Variants in CCNY observed in about 807,000 individuals in gnomAD.
The protein encoded by CCNY is cyclin-Y.
Under a neutral mutation model 42.8 loss-of-function variants are expected in CCNY, and 19 were observed. The ratio of observed to expected loss-of-function variants is 0.44; its 90% CI spans 0.31 to 0.65. The LOEUF (loss-of-function observed/expected upper bound fraction) is 0.65. Among genes scored for constraint, CCNY ranks in the 30% least tolerant of loss-of-function variants. The pLI is 0.07. For missense variants in CCNY, 370 were observed against 437.3 expected, an observed-to-expected ratio of 0.85 and a Z score of 1.37; for synonymous variants, 165 against 162.7, an observed-to-expected ratio of 1.01 and a Z score of -0.11.
At chr10:35,425,458 C>T (rs955769522) in intron 1 of CCNY, among the ~76,000 whole-genome samples, 11 of 152,202 alleles carry the variant, frequency 7.2e-5, no homozygotes, top group Non-Finnish European at 1.3e-4. Flanking sequence ...GGTAGGGATT[C>T]ATCATAGCAT....
At chr10:35,353,578 C>T (rs1836473054) in intron 1 of CCNY, among the ~76,000 whole-genome samples, 1 of 152,172 alleles carries the variant, frequency 6.6e-6, no homozygotes, top group Admixed American at 6.5e-5. Context: ...GACAGCTGAG[C>T]TGCCAAGAGG....
intron 1 of CCNY, among the ~76,000 whole-genome samples, chr10:35,345,657 C>CT (rs1314583311): frequency 6.6e-6 from 1 of 152,152 alleles, no homozygotes; most frequent in Non-Finnish European, 1.5e-5. Flanking sequence ...TATGTTTGGA[C>CT]TGTCCATAGT....
intron 7 of CCNY, among the ~76,000 whole-genome samples, chr10:35,546,812 TATTC>T (rs1456688526): frequency 2.0e-5 from 3 of 152,180 alleles, no homozygotes; most frequent in African/African-American, 7.2e-5. Context: ...TAGTTATTAA[TATTC>T]ATCAACTAAG....
In CCNY at chr10:35,406,455, C is replaced by T. The variant is rs1352231437; in HGVS notation, c.154+69248C>T. Among the ~76,000 whole-genome samples, 3 of 151,942 alleles carry T rather than the reference C, an allele frequency of 2.0e-5. No individual in the cohort carries two copies. In the East Asian group the frequency reaches 5.8e-4, roughly 29 times the overall value. On this transcript the variant is annotated intron_variant, in intron 1 of 9. Transcript: ENST00000374704. ...TCTCAACGAGCATGCTGCCTTCAAG[C>T]GTCTGTTTAACAAAGCACATCTTGC...
At chr10:35,303,777 C>CAAAAAAA (rs755443366) in intron 3 of CCNY, among the ~76,000 whole-genome samples, 2 of 48,504 alleles carry the variant, frequency 4.1e-5, no homozygotes, top group African/African-American at 6.4e-5. Context: ...AACTCCGTCT[C>CAAAAAAA]AAAAAAAAAA....
chr10:35,424,667 A>G (rs1838228409), intron 1 of CCNY, among the ~76,000 whole-genome samples: 1 of 152,198 alleles, frequency 6.6e-6, no homozygotes, highest in South Asian at 2.1e-4. Flanking sequence ...AGTGCTTGCC[A>G]GGGTCTCCCA....
chr10:35,463,569 A>T (rs962394206), intron 1 of CCNY, among the ~76,000 whole-genome samples: 1 of 152,248 alleles, frequency 6.6e-6, no homozygotes, highest in Non-Finnish European at 1.5e-5. Flanking sequence ...AAAAGAGTCA[A>T]TGAAGCTAAG....
Position 35,337,264 on chromosome 10 carries a change from A to G in CCNY, c.154+57A>G, listed in dbSNP as rs916450067. 22 of 1,407,056 alleles carry G rather than the reference A, an allele frequency of 1.6e-5. No individual in the cohort carries two copies. In the East Asian group the frequency reaches 1.8e-4, roughly 12 times the overall value. 87.2% of individuals were successfully genotyped at this position (1,407,056 alleles called of 1,614,324 possible). Reference sequence around the variant, plus strand: ...CCCCGCGGCAACAGTCGCACAGCCAACGTCGGGGCGGCCCGGCTGCTCTTG... The same window carrying G: ...CCCCGCGGCAACAGTCGCACAGCCAGCGTCGGGGCGGCCCGGCTGCTCTTG... On this transcript the variant is annotated intron_variant, in intron 1 of 9. Transcript: ENST00000374704.
At chr10:35,460,956 C>T (rs1197571008) in intron 1 of CCNY, among the ~76,000 whole-genome samples, 2 of 152,030 alleles carry the variant, frequency 1.3e-5, no homozygotes, top group African/African-American at 2.4e-5. Flanking sequence ...CTAGGACATC[C>T]ACTTATTATA....
At chr10:35,542,040 C>G (rs1841012701) in intron 7 of CCNY, among the ~76,000 whole-genome samples, 1 of 149,842 alleles carries the variant, frequency 6.7e-6, no homozygotes, top group Non-Finnish European at 1.5e-5. Flanking sequence ...AGGATCCCAT[C>G]CAGGACACCA....
At chr10:35,392,904 T>C (rs1837444182) in intron 1 of CCNY, among the ~76,000 whole-genome samples, 1 of 152,156 alleles carries the variant, frequency 6.6e-6, no homozygotes, top group African/African-American at 2.4e-5. Flanking sequence ...TAGGCCTTTT[T>C]CTTGGGTCCT....
intron 1 of CCNY, among the ~76,000 whole-genome samples, chr10:35,339,982 A>G (rs965091545): frequency 2.0e-5 from 3 of 152,260 alleles, no homozygotes; most frequent in Non-Finnish European, 4.4e-5. Context: ...ACAATTCTTT[A>G]GGAAAATAAA....
intron 3 of CCNY, among the ~76,000 whole-genome samples, chr10:35,312,131 C>T (rs1314232655): frequency 1.3e-5 from 2 of 151,866 alleles, no homozygotes. Context: ...TAATCCCAGC[C>T]CTTTGGGACG....
At chr10:35,294,350 A>C (rs1177334300) in intron 3 of CCNY, among the ~76,000 whole-genome samples, 1 of 152,210 alleles carries the variant, frequency 6.6e-6, no homozygotes, top group African/African-American at 2.4e-5. Flanking sequence ...TGAGAGTGAA[A>C]ATATTCAGTC....
chr10:35,272,345 A>T lies in CCNY; in HGVS notation c.-9+21719A>T, dbSNP rs994339715. Among the ~76,000 whole-genome samples the T allele has an allele frequency of 5.9e-5, 9 of 151,678 alleles. No individual in the cohort carries two copies. In the East Asian group the frequency reaches 1.6e-3, roughly 26 times the overall value. Reference sequence around the variant, plus strand: ...GTACATGTGCAGGTTTGTTACATAGATAAACCTGTATCATGGAGGTTTGTT... The same window carrying T: ...GTACATGTGCAGGTTTGTTACATAGTTAAACCTGTATCATGGAGGTTTGTT... On this transcript the variant is annotated intron_variant, in intron 3 of 11. Coordinates refer to the CCNY transcript ENST00000374706.
intron 3 of CCNY, among the ~76,000 whole-genome samples, chr10:35,282,860 C>T (rs185210661): frequency 1.4e-3 from 216 of 152,082 alleles, no homozygotes; most frequent in Middle Eastern, 0.01. Context: ...AATTGTATAT[C>T]CCTGCTTAAC....
intron 3 of CCNY, among the ~76,000 whole-genome samples, chr10:35,316,002 T>C (rs1835755304): frequency 6.6e-6 from 1 of 152,214 alleles, no homozygotes; most frequent in Admixed American, 6.5e-5. Context: ...CATATAAGTG[T>C]AATTGTCTTT....
At chr10:35,451,248 G>A (rs1306199519) in intron 1 of CCNY, among the ~76,000 whole-genome samples, 1 of 152,150 alleles carries the variant, frequency 6.6e-6, no homozygotes, top group Non-Finnish European at 1.5e-5. Context: ...ACAAAAACAA[G>A]TTAAGAGTCA....
At chr10:35,528,306 C>CTGGGTTGAACCTTTCTTTCGCT (rs1840693941) in intron 5 of CCNY, among the ~76,000 whole-genome samples, 2 of 152,188 alleles carry the variant, frequency 1.3e-5, no homozygotes, top group Non-Finnish European at 2.9e-5. Context: ...AGACTACCTG[C>CTGGGTTGAACCTTTCTTTCGCT]TGGGTTGAAC....
Sources: allele counts gnomAD v4.1 joint callset (sites outside exome capture counted in the v4.1 genomes callset), GRCh38; gene constraint gnomAD v4.1.1; transcripts MANE v1.5; gene names NCBI Gene and HGNC (gene_info 2026-07-23, HGNC 2026-07-21).